SH3BGRL2: variants seen among roughly 807,000 people sequenced by gnomAD.
The protein encoded by SH3BGRL2 is SH3 domain-binding glutamic acid-rich-like protein 2.
A neutral mutation model predicts 14.8 loss-of-function variants in SH3BGRL2; 21 were observed. That is an observed-to-expected ratio of 1.42 (90% confidence interval 1.01 to 2.05). The LOEUF (loss-of-function observed/expected upper bound fraction) is 2.05. SH3BGRL2 is among the 30% of genes most tolerant of loss of function. SH3BGRL2 has a pLI of 0.00. For synonymous variants in SH3BGRL2, 50 were observed against 47.8 expected (o/e 1.05, Z -0.19); for missense variants, 147 against 130.8 (o/e 1.12, Z -0.61).
the SH3BGRL2 span, among the ~76,000 whole-genome samples, chr6:79,564,556 A>G: frequency 2.0e-5 from 3 of 152,182 alleles, no homozygotes; most frequent in Admixed American, 6.5e-5. Flanking sequence ...CTTCCAAGTT[A>G]GTATGCTTTC....
the SH3BGRL2 span, among the ~76,000 whole-genome samples, chr6:79,606,767 C>T: frequency 6.6e-6 from 1 of 151,964 alleles, no homozygotes; most frequent in African/African-American, 2.4e-5. Flanking sequence ...GAAAGTCCTG[C>T]TAATAATATA....
chr6:79,565,050 G>C, the SH3BGRL2 span, among the ~76,000 whole-genome samples: 3 of 152,258 alleles, frequency 2.0e-5, no homozygotes, highest in African/African-American at 7.2e-5. Context: ...TAGGAAGGAA[G>C]GAATACATTC....
the SH3BGRL2 span, among the ~76,000 whole-genome samples, chr6:79,539,340 C>T: frequency 1.1e-4 from 17 of 152,148 alleles, no homozygotes; most frequent in African/African-American, 3.9e-4. Context: ...CATTTTATTT[C>T]AGTACCACAC....
At chr6:79,630,354 G>C (rs1768798435), upstream of SH3BGRL2, among the ~76,000 whole-genome samples, 1 of 152,086 alleles carries the variant, frequency 6.6e-6, no homozygotes, top group African/African-American at 2.4e-5. Flanking sequence ...CTAAACTCCC[G>C]TGTTGAAAGG....
intron 2 of SH3BGRL2, among the ~76,000 whole-genome samples, chr6:79,693,885 G>A (rs1046081841): frequency 1.3e-5 from 2 of 152,192 alleles, no homozygotes; most frequent in African/African-American, 2.4e-5. Context: ...GATCAGGTTG[G>A]TAGAGACCAA....
the SH3BGRL2 span, chr6:79,561,128 C>T: frequency 4.0e-5 from 6 of 151,838 alleles, no homozygotes; most frequent in African/African-American, 1.4e-4. Flanking sequence ...GATCCGCCCA[C>T]CTCGGCCTCC....
the SH3BGRL2 span, among the ~76,000 whole-genome samples, chr6:79,605,471 A>C: frequency 0.12 from 18,831 of 152,288 alleles, 1,936 homozygotes; most frequent in East Asian, 0.57. Flanking sequence ...GGAACTATTT[A>C]GACAAAGATT....
the SH3BGRL2 span, among the ~76,000 whole-genome samples, chr6:79,544,670 A>G: frequency 6.6e-6 from 1 of 152,186 alleles, no homozygotes; most frequent in African/African-American, 2.4e-5. Flanking sequence ...AGAAACAAAA[A>G]TTTTAGTTAG....
At chr6:79,553,505 TACC>T in the SH3BGRL2 span, among the ~76,000 whole-genome samples, 1 of 152,196 alleles carries the variant, frequency 6.6e-6, no homozygotes, top group African/African-American at 2.4e-5. Flanking sequence ...CTTTGTTTTT[TACC>T]ACTTGCATGA....
the SH3BGRL2 span, among the ~76,000 whole-genome samples, chr6:79,590,057 G>T: frequency 6.6e-6 from 1 of 152,098 alleles, no homozygotes; most frequent in Non-Finnish European, 1.5e-5. Flanking sequence ...ATAGGCGTGA[G>T]CCACCTTGTC....
At position 79,696,513 on chromosome 6, in the gene SH3BGRL2, A is replaced by G; in HGVS notation, c.260A>G (p.Glu87Gly). ...GDYDSFFESK[E>G]SNTVFSFLGL... ...TATGACAGTTTTTTTGAATCCAAGG[A>G]AAGCAACACAGTCTTTTCATTTTTA... Residue 87 changes from glutamate (E) to glycine (G), a missense_variant, in exon 3 of 4, where the codon GAA becomes GGA. Glu to Gly is a moderately conservative substitution (Grantham distance 98). Coordinates refer to ENST00000369838, the MANE Select transcript of SH3BGRL2 (RefSeq NM_031469.4). 6.3e-7 allele frequency: 1 copy of G among 1,581,944 alleles called. No homozygotes were observed.
At chr6:79,671,623 G>A (rs1769774686) in intron 1 of SH3BGRL2, among the ~76,000 whole-genome samples, 1 of 152,220 alleles carries the variant, frequency 6.6e-6, no homozygotes, top group Non-Finnish European at 1.5e-5. Context: ...TGAAGGAAAT[G>A]ATTGTGTATG....
intron 1 of SH3BGRL2, among the ~76,000 whole-genome samples, chr6:79,665,707 T>C (rs975132441): frequency 1.3e-5 from 2 of 152,244 alleles, no homozygotes; most frequent in Non-Finnish European, 2.9e-5. Context: ...GGGACTGTGC[T>C]AGTGATACAT....
chr6:79,675,313 C>T lies in SH3BGRL2; in HGVS notation c.231+1514C>T, dbSNP rs546021677. Reference sequence around the variant, plus strand: ...TATTGATTCAGTGTCCTCTGGTTTTCGCTGCTACGATTGAGATGTCTAATG... The same window carrying T: ...TATTGATTCAGTGTCCTCTGGTTTTTGCTGCTACGATTGAGATGTCTAATG... On this transcript the variant is annotated intron_variant, in intron 2 of 3. Coordinates refer to ENST00000369838, the MANE Select transcript of SH3BGRL2 (RefSeq NM_031469.4). Among the ~76,000 whole-genome samples the T allele has an allele frequency of 1.2e-3, 176 of 152,228 alleles. 1 individual carries two copies. Among genetic ancestry groups the T allele is most frequent in the Non-Finnish European group, 1.9e-3 (132 of 68,004 alleles).
the SH3BGRL2 span, among the ~76,000 whole-genome samples, chr6:79,591,671 G>A: frequency 2.6e-5 from 4 of 152,312 alleles, 1 homozygote; most frequent in South Asian, 8.3e-4. Flanking sequence ...TTCCCAAAGT[G>A]CTGGGATTAA....
chr6:79,544,791 G>A, the SH3BGRL2 span, among the ~76,000 whole-genome samples: 2 of 152,086 alleles, frequency 1.3e-5, no homozygotes, highest in South Asian at 4.1e-4. Flanking sequence ...GCAGATACTG[G>A]TTCCTTTGAT....
chr6:79,570,036 C>T, the SH3BGRL2 span, among the ~76,000 whole-genome samples: 1 of 152,124 alleles, frequency 6.6e-6, no homozygotes, highest in Non-Finnish European at 1.5e-5. Flanking sequence ...TTGCTTTGTG[C>T]TGAGTAGCAA....
At chr6:79,613,621 T>C in the SH3BGRL2 span, among the ~76,000 whole-genome samples, 4 of 151,894 alleles carry the variant, frequency 2.6e-5, no homozygotes, top group African/African-American at 9.7e-5. Flanking sequence ...TTTTTTTTTC[T>C]TTTTTTTGAG....
chr6:79,684,241 C>T (rs1436288861), intron 2 of SH3BGRL2, among the ~76,000 whole-genome samples: 9 of 152,116 alleles, frequency 5.9e-5, no homozygotes, highest in Non-Finnish European at 1.0e-4. Flanking sequence ...ATAATTCTGC[C>T]CTTTTTCTCT....
Sources: gnomAD v4.1 joint callset for allele counts (sites outside exome capture counted in the v4.1 genomes callset) on GRCh38, gnomAD v4.1.1 for gene constraint, MANE v1.5 for transcripts, NCBI Gene and HGNC (gene_info 2026-07-23, HGNC 2026-07-21) for gene names.